The following SYT15B variants were observed in gnomAD, a reference collection of about 807,000 sequenced individuals.
SYT15B encodes the protein synaptotagmin-15.
chr10:47,760,602 CAT>C, the SYT15B span, among the ~76,000 whole-genome samples: 1 of 151,050 alleles, frequency 6.6e-6, no homozygotes. Context: ...CACCCAAGGC[CAT>C]ATCTCACCCT....
chr10:47,748,572 C>A, the SYT15B span, among the ~76,000 whole-genome samples: 1 of 152,178 alleles, frequency 6.6e-6, no homozygotes, highest in African/African-American at 2.4e-5. Context: ...TTAAAAGCAG[C>A]TAGAGGCAGG....
the SYT15B span, among the ~76,000 whole-genome samples, chr10:47,744,759 C>A: frequency 6.6e-6 from 1 of 151,710 alleles, no homozygotes. Context: ...TTCTATTTAC[C>A]AATTCAAACT....
chr10:47,759,676 GT>G, the SYT15B span: 1 of 392,864 alleles, frequency 2.5e-6, no homozygotes, highest in African/African-American at 3.4e-5. Flanking sequence ...GAGGTTTTGC[GT>G]TTGGTCTTGG....
the SYT15B span, among the ~76,000 whole-genome samples, chr10:47,749,929 G>GA: frequency 6.6e-6 from 1 of 151,354 alleles, no homozygotes; most frequent in Non-Finnish European, 1.5e-5. Context: ...GGGGGAAAGT[G>GA]AAAAAAATAC....
chr10:47,747,703 AAAC>A, the SYT15B span, among the ~76,000 whole-genome samples: 1 of 147,672 alleles, frequency 6.8e-6, no homozygotes, highest in South Asian at 2.2e-4. Flanking sequence ...ATAAGTGATC[AAAC>A]ACACCACAAA....
chr10:47,755,079 C>T, the SYT15B span, among the ~76,000 whole-genome samples: 1 of 149,104 alleles, frequency 6.7e-6, no homozygotes, highest in African/African-American at 2.5e-5. Flanking sequence ...GCTTCAGCCT[C>T]CCGAGTAGTT....
the SYT15B span, among the ~76,000 whole-genome samples, chr10:47,747,162 C>T: frequency 6.6e-6 from 1 of 151,188 alleles, no homozygotes; most frequent in Non-Finnish European, 1.5e-5. Flanking sequence ...AGCTAAGAGG[C>T]CGAGCATTTG....
the SYT15B span, among the ~76,000 whole-genome samples, chr10:47,755,423 T>C: frequency 6.6e-6 from 1 of 152,154 alleles, no homozygotes; most frequent in South Asian, 2.1e-4. Context: ...ACCCAGCTAA[T>C]TTTTTGTATT....
chr10:47,751,329 C>T, the SYT15B span: 1 of 107,446 alleles, frequency 9.3e-6, no homozygotes, highest in South Asian at 3.8e-4. Context: ...ATGTCATGTG[C>T]AGATATAGTT....
At chr10:47,748,358 C>T in the SYT15B span, among the ~76,000 whole-genome samples, 643 of 148,288 alleles carry the variant, frequency 4.3e-3, 2 homozygotes, top group Non-Finnish European at 7.7e-3. Flanking sequence ...ATTACAGGCA[C>T]GCGCCACCAT....
At chr10:47,755,113 C>T in the SYT15B span, among the ~76,000 whole-genome samples, 15 of 151,064 alleles carry the variant, frequency 9.9e-5, no homozygotes, top group Admixed American at 4.6e-4. Flanking sequence ...TGCACCACCA[C>T]GCCTAGCTAA....
At chr10:47,755,555 C>CTTT in the SYT15B span, among the ~76,000 whole-genome samples, 1,351 of 82,950 alleles carry the variant, frequency 0.016, 33 homozygotes, top group African/African-American at 0.028. Context: ...GTGCCCGGCC[C>CTTT]TTTTTTTTTT....
At chr10:47,755,334 C>A in the SYT15B span, among the ~76,000 whole-genome samples, 1 of 152,246 alleles carries the variant, frequency 6.6e-6, no homozygotes, top group African/African-American at 2.4e-5. Context: ...CGGCTCACTG[C>A]AAGCTCCGCC....
At chr10:47,755,455 C>T in the SYT15B span, among the ~76,000 whole-genome samples, 1 of 151,638 alleles carries the variant, frequency 6.6e-6, no homozygotes, top group Non-Finnish European at 1.5e-5. Flanking sequence ...CGTGGTTTCA[C>T]TGTGTTAGCC....
At chr10:47,745,733 T>G in the SYT15B span, among the ~76,000 whole-genome samples, 41 of 135,272 alleles carry the variant, frequency 3.0e-4, no homozygotes, top group African/African-American at 7.7e-4. Flanking sequence ...AACATCAGCA[T>G]GGTTCATTGC....
the SYT15B span, among the ~76,000 whole-genome samples, chr10:47,762,216 C>T: frequency 1.3e-5 from 2 of 151,938 alleles, no homozygotes; most frequent in African/African-American, 4.8e-5. Context: ...ACGCGGTGGA[C>T]GAGGTGGGGA....
At chr10:47,751,044 C>G in the SYT15B span, 1 of 148,886 alleles carries the variant, frequency 6.7e-6, no homozygotes, top group Non-Finnish European at 1.5e-5. Flanking sequence ...TTTTTAACAG[C>G]TTGAGAATAT....
At chr10:47,761,994 TC>T in the SYT15B span, among the ~76,000 whole-genome samples, 2 of 135,346 alleles carry the variant, frequency 1.5e-5, no homozygotes, top group Non-Finnish European at 3.2e-5. Context: ...AACCTCCATA[TC>T]CCCTGGGCTC....
chr10:47,751,349 T>C, the SYT15B span: 20 of 104,056 alleles, frequency 1.9e-4, no homozygotes, highest in Admixed American at 3.4e-4. Context: ...TTTACTTCTT[T>C]CTTTATGATC....
Sources: allele counts gnomAD v4.1 joint callset (sites outside exome capture counted in the v4.1 genomes callset), GRCh38; gene constraint gnomAD v4.1.1; transcripts MANE v1.5; gene names NCBI Gene and HGNC (gene_info 2026-07-23, HGNC 2026-07-21).